The following CYP26B1 variants were observed in gnomAD, a reference collection of about 807,000 sequenced individuals.
CYP26B1 encodes cytochrome P450 family 26 subfamily B member 1.
In CYP26B1, 8 loss-of-function variants were observed where a neutral mutation model predicts 39.1. The observed-to-expected ratio is 0.20, with a 90% CI of 0.12 to 0.37. The LOEUF is 0.37. Among genes scored for constraint, CYP26B1 ranks in the 10% least tolerant of loss-of-function variants. The pLI is 1.00. For synonymous variants in CYP26B1, 321 were observed against 314.3 expected (o/e 1.02, Z -0.23); for missense variants, 615 against 707.0 (o/e 0.87, Z 1.48).
rs1208231104 is a variant in CYP26B1 at position 72,133,261 on chromosome 2, C to T, written c.908G>A (p.Ser303Asn). ...CTGCATGATGAGTGAGGTGCTGGCG[C>T]TGGCCGTGGTGGCATAGGCCGCAAA... ...LIFAAYATTA[S>N]ASTSLIMQLL... The change falls in exon 5 of 6, where the codon AGC becomes AAC. Residue 303 changes from serine (S) to asparagine (N), a missense_variant. By Grantham distance (46) the Ser-to-Asn change is conservative. Transcript: ENST00000001146. 6.2e-7 allele frequency: 1 copy of T among 1,611,030 alleles called. No individual in the cohort carries two copies. Among genetic ancestry groups the T allele is most frequent in the South Asian group, 1.1e-5 (1 of 90,892 alleles).
chr2:72,137,438 G>A (rs935792076), intron 2 of CYP26B1, among the ~76,000 whole-genome samples: 5 of 152,206 alleles, frequency 3.3e-5, no homozygotes, highest in African/African-American at 9.6e-5. Flanking sequence ...CCCCTAAGCA[G>A]ATGCTATCCC....
In CYP26B1 at chr2:72,147,826, A is replaced by C. The variant is rs1677164888; in HGVS notation, c.9T>G (p.Phe3Leu). Residue 3 changes from phenylalanine to leucine, a missense_variant, in exon 1 of 6, where the codon TTT becomes TTG. Transcript: ENST00000001146. The surrounding 1 kb of genome is among the most constrained non-coding windows in gnomAD (Gnocchi z 6.1). ...GCGCCGACACCAGATCCAAGCCCTC[A>C]AAGAGCATGTTGGCGGCCGCTCGGG... ML[F>L]EGLDLVSALA... 3 of 1,532,236 alleles carry C rather than the reference A, an allele frequency of 2.0e-6. No individual in the cohort carries two copies. The highest frequency in any genetic ancestry group is 2.4e-5 in the South Asian group (2 of 82,136). 94.9% of individuals were successfully genotyped at this position (1,532,236 alleles called of 1,614,324 possible). A position where few individuals can be genotyped will look rare whatever the true frequency, so the allele number is the denominator to read the frequency against.
rs762486378 is a variant in CYP26B1, at chr2:72,143,946, G to A, written c.429+43C>T. On this transcript the variant is annotated intron_variant, in intron 2 of 5. Transcript: ENST00000001146. ...GGCTCCAGGAACTCCTTGCCCCGAG[G>A]TGGGGGAGGGATTGCGCGGAAGAAA... The A allele has an allele frequency of 5.2e-5, 83 of 1,604,424 alleles. No individual in the cohort carries two copies. The Admixed American group carries it at 1.4e-3, about 26-fold the overall frequency.
chr2:72,133,023 A>T lies in CYP26B1; in HGVS notation c.1146T>A (p.Asp382Glu). The change falls in exon 5 of 6, where the codon GAT (aspartate) becomes GAA (glutamate). Residue 382 changes from aspartate to glutamate, a missense_variant and splice_region_variant. By Grantham distance (45) the Asp-to-Glu change is conservative. Coordinates refer to ENST00000001146, the MANE Select transcript of CYP26B1 (RefSeq NM_019885.4). The stretch of plus-strand genomic sequence containing the variant: ...CCCGGTGCCACGGGCCCAGCCTCAC[A>T]TCAAGCTCGAAGGTCTGCAGCACAG... Reference protein sequence around the residue: ...YRTVLQTFELDGFQIPKGWSV... With the variant: ...YRTVLQTFELEGFQIPKGWSV... 1 of 1,613,150 alleles carries T rather than the reference A, an allele frequency of 6.2e-7. No individual in the cohort carries two copies. Among genetic ancestry groups the T allele is most frequent in the Non-Finnish European group, 8.5e-7 (1 of 1,179,960 alleles).
intron 2 of CYP26B1, among the ~76,000 whole-genome samples, chr2:72,142,117 C>T (rs1478002810): frequency 1.5e-5 from 2 of 135,432 alleles, no homozygotes; most frequent in South Asian, 2.6e-4. Flanking sequence ...ATTCCTGAGG[C>T]GGGTCATCTG....
At chr2:72,143,918 C>T (rs1011834838) in intron 2 of CYP26B1, 71 bp downstream of exon 2, 6 of 1,564,232 alleles carry the variant, frequency 3.8e-6, no homozygotes, top group Admixed American at 1.8e-5. Context: ...GGGACATTCC[C>T]CGGGCTCCAG....
At chr2:72,136,707 G>T (rs1292753788) in intron 2 of CYP26B1, among the ~76,000 whole-genome samples, 1 of 152,194 alleles carries the variant, frequency 6.6e-6, no homozygotes, top group Admixed American at 6.5e-5. Flanking sequence ...AGTTTTGGGG[G>T]TCCGAGGGAA....
At chr2:72,135,557 G>T in intron 2 of CYP26B1, 138 bp from the exon 3 acceptor site, 2 of 1,289,248 alleles carry the variant, frequency 1.6e-6, no homozygotes, top group Non-Finnish European at 2.2e-6. Flanking sequence ...GAGCTGGGCA[G>T]GCCAGCTGCC....
intron 1 of CYP26B1, chr2:72,144,524 C>CCACCCCCACCCCCA: frequency 1.1e-5 from 12 of 1,136,134 alleles, no homozygotes; most frequent in Non-Finnish European, 1.2e-5. Context: ...GTCTCCGCCC[C>CCACCCCCACCCCCA]CACCCCCACC....
At chr2:72,138,764 G>GC (rs34370962) in intron 2 of CYP26B1, among the ~76,000 whole-genome samples, 1 of 152,108 alleles carries the variant, frequency 6.6e-6, no homozygotes, top group Admixed American at 6.5e-5. Flanking sequence ...GAGGGCACTC[G>GC]CCTTAAGGGA....
chr2:72,136,604 G>A (rs1009672657), intron 2 of CYP26B1, among the ~76,000 whole-genome samples: 10 of 152,348 alleles, frequency 6.6e-5, no homozygotes, highest in South Asian at 2.1e-4. Context: ...GTTTGGGGCC[G>A]CTCCTGCTAC....
At chr2:72,132,646 G>A in intron 5 of CYP26B1, 27 bp from the exon 6 acceptor site, 2 of 1,575,558 alleles carry the variant, frequency 1.3e-6, no homozygotes, top group African/African-American at 1.3e-5. Flanking sequence ...GCCGAGGAGT[G>A]GGTGGTGAGA....
chr2:72,146,426 AAG>A (rs1677125673), intron 1 of CYP26B1, among the ~76,000 whole-genome samples: 3 of 152,142 alleles, frequency 2.0e-5, no homozygotes, highest in Non-Finnish European at 4.4e-5. Context: ...CAACCCCAAA[AAG>A]AGATGGGCCT....
rs763531942 is a variant in CYP26B1, at chr2:72,132,447, G to A, written c.1319C>T (p.Thr440Ile). Residue 440 changes from threonine (T) to isoleucine (I), a missense_variant, in exon 6 of 6, where the codon ACC (threonine) becomes ATC (isoleucine). By Grantham distance (89) the Thr-to-Ile change is moderately conservative (BLOSUM62 -1). Coordinates refer to ENST00000001146, the MANE Select transcript of CYP26B1 (RefSeq NM_019885.4). ...CTTGGCCAGGTGCTTGCCCAGGCAGGTCCGGACACCGCCACCGAACGGGAG... is the reference window on the plus strand; with the variant it reads ...CTTGGCCAGGTGCTTGCCCAGGCAGATCCGGACACCGCCACCGAACGGGAG... The part of the protein sequence containing the change: ...HYLPFGGGVR[T>I]CLGKHLAKLF... 1 of 1,613,420 alleles carries A rather than the reference G, an allele frequency of 6.2e-7. No individual in the cohort carries two copies. The highest frequency in any genetic ancestry group is 1.1e-5 in the South Asian group (1 of 91,012).
chr2:72,136,352 A>G (rs560749727), intron 2 of CYP26B1, among the ~76,000 whole-genome samples: 21 of 152,216 alleles, frequency 1.4e-4, no homozygotes, highest in African/African-American at 4.8e-4. Flanking sequence ...TGCCCCCCCA[A>G]ACACAACCAC....
Position 72,147,677 on chromosome 2 carries a change from G to C in CYP26B1, c.158C>G (p.Ser53Cys), listed in dbSNP as rs1482058078. Residue 53 changes from serine (S) to cysteine (C), a missense_variant, in exon 1 of 6, where the codon TCC becomes TGC. By Grantham distance (112) the Ser-to-Cys change is moderately radical (BLOSUM62 -1). Coordinates refer to ENST00000001146, the MANE Select transcript of CYP26B1 (RefSeq NM_019885.4). This position sits in a 1 kb window ranked among gnomAD's most constrained non-coding sequence, Gnocchi z 6.1. ...CTCTCCGATGAGCGGGAAGCCCATGGATCCCTTGGGGATGGGCAGCTTGCA... is the reference window on the plus strand; with the variant it reads ...CTCTCCGATGAGCGGGAAGCCCATGCATCCCTTGGGGATGGGCAGCTTGCA... ...KSCKLPIPKG[S>C]MGFPLIGETG... The C allele has an allele frequency of 6.2e-7, 1 of 1,610,190 alleles. No individual in the cohort carries two copies. The highest frequency in any genetic ancestry group is 8.5e-7 in the Non-Finnish European group (1 of 1,178,760).
chr2:72,137,136 G>A (rs1327915797), intron 2 of CYP26B1, among the ~76,000 whole-genome samples: 4 of 152,172 alleles, frequency 2.6e-5, no homozygotes, highest in South Asian at 2.1e-4. Flanking sequence ...GTAGGGGCTG[G>A]CCAGGGCCCC....
At chr2:72,139,123 C>T (rs1237165934) in intron 2 of CYP26B1, among the ~76,000 whole-genome samples, 1 of 152,042 alleles carries the variant, frequency 6.6e-6, no homozygotes, top group Admixed American at 6.5e-5. Context: ...GCGGGTAGAG[C>T]CGGAGTGGGG....
intron 2 of CYP26B1, among the ~76,000 whole-genome samples, chr2:72,138,241 C>T (rs1223431096): frequency 6.6e-6 from 1 of 152,174 alleles, no homozygotes; most frequent in East Asian, 1.9e-4. Flanking sequence ...GAGCCTCATC[C>T]CTGGGTCTGT....
Sources: allele counts gnomAD v4.1 joint callset (sites outside exome capture counted in the v4.1 genomes callset), GRCh38; gene constraint gnomAD v4.1.1; non-coding constraint Gnocchi (gnomAD v3.1); transcripts MANE v1.5; gene names NCBI Gene and HGNC (gene_info 2026-07-23, HGNC 2026-07-21).